The following FBXO16 variants were observed in gnomAD, a reference collection of about 807,000 sequenced individuals.
FBXO16 encodes the protein F-box only protein 16.
Under a neutral mutation model 41.0 loss-of-function variants are expected in FBXO16, and 31 were observed. The ratio of observed to expected loss-of-function variants is 0.76; its 90% CI spans 0.57 to 1.02. The LOEUF (loss-of-function observed/expected upper bound fraction) is 1.02. FBXO16 is among the 50% of genes least tolerant of loss of function. The pLI is 0.00. For synonymous variants in FBXO16, 133 were observed against 117.8 expected (o/e 1.13, Z -0.84); for missense variants, 361 against 346.2 (o/e 1.04, Z -0.34).
At chr8:28,481,276 A>G (rs1803507854) in intron 2 of FBXO16, among the ~76,000 whole-genome samples, 1 of 152,198 alleles carries the variant, frequency 6.6e-6, no homozygotes, top group Non-Finnish European at 1.5e-5. Context: ...GCAGGGACAG[A>G]GCCAGTGAAA....
intron 7 of FBXO16, among the ~76,000 whole-genome samples, chr8:28,431,027 G>A (rs1802597862): frequency 1.3e-5 from 2 of 152,152 alleles, no homozygotes; most frequent in African/African-American, 4.8e-5. Flanking sequence ...AAAAGGCCTA[G>A]CTCTCTATGA....
At chr8:28,485,330 G>A (rs985665673) in intron 1 of FBXO16, among the ~76,000 whole-genome samples, 1 of 151,992 alleles carries the variant, frequency 6.6e-6, no homozygotes, top group African/African-American at 2.4e-5. Flanking sequence ...CTGCCACCAC[G>A]ACTGGCTAAT....
chr8:28,434,806 T>A (rs1185407776), intron 7 of FBXO16, among the ~76,000 whole-genome samples: 1 of 152,204 alleles, frequency 6.6e-6, no homozygotes, highest in Non-Finnish European at 1.5e-5. Context: ...CGGGACCCAG[T>A]CGGCCGCTCT....
intron 7 of FBXO16, among the ~76,000 whole-genome samples, chr8:28,435,273 T>G (rs1585889815): frequency 6.6e-6 from 1 of 151,214 alleles, no homozygotes; most frequent in Admixed American, 6.6e-5. Context: ...CAAGTTCAAG[T>G]GATTCTCCTG....
intron 4 of FBXO16, 59 bp from the exon 5 acceptor site, chr8:28,456,989 C>A: frequency 1.9e-6 from 3 of 1,544,084 alleles, no homozygotes; most frequent in Non-Finnish European, 2.6e-6. Flanking sequence ...AGTTTACATG[C>A]CCACTTTCTC....
intron 2 of FBXO16, among the ~76,000 whole-genome samples, chr8:28,479,988 A>C (rs1421350789): frequency 6.6e-6 from 1 of 150,582 alleles, no homozygotes; most frequent in Non-Finnish European, 1.5e-5. Flanking sequence ...CACCGGCCTC[A>C]CCCTCCCAAA....
intron 1 of FBXO16, among the ~76,000 whole-genome samples, 189 bp downstream of exon 1, chr8:28,489,997 A>G (rs1803665236): frequency 6.6e-6 from 1 of 152,216 alleles, no homozygotes; most frequent in South Asian, 2.1e-4. Flanking sequence ...CAAAAAGCTA[A>G]TGCTTGGTAG....
chr8:28,456,055 A>G (rs1803033090), intron 5 of FBXO16, among the ~76,000 whole-genome samples: 1 of 152,196 alleles, frequency 6.6e-6, no homozygotes, highest in African/African-American at 2.4e-5. Flanking sequence ...GAACTCATCT[A>G]TTGTATGAAA....
chr8:28,434,225 T>C (rs987946374), intron 7 of FBXO16, among the ~76,000 whole-genome samples: 1 of 152,196 alleles, frequency 6.6e-6, no homozygotes, highest in African/African-American at 2.4e-5. Context: ...CCTCCCAAAG[T>C]GCTGGGATTA....
At chr8:28,444,611 T>G (rs1416355028) in intron 7 of FBXO16, among the ~76,000 whole-genome samples, 1 of 150,076 alleles carries the variant, frequency 6.7e-6, no homozygotes, top group African/African-American at 2.4e-5. Flanking sequence ...CCGAGTAGCT[T>G]GGACTACAAG....
intron 5 of FBXO16, among the ~76,000 whole-genome samples, chr8:28,452,910 A>G (rs562105030): frequency 7.5e-6 from 1 of 132,954 alleles, no homozygotes; most frequent in African/African-American, 2.8e-5. Flanking sequence ...AAGGATAAAA[A>G]AATAAAAAAA....
intron 6 of FBXO16, among the ~76,000 whole-genome samples, chr8:28,449,312 CTTCTT>C (rs775592791): frequency 3.6e-5 from 5 of 138,966 alleles, no homozygotes; most frequent in African/African-American, 5.5e-5. Context: ...AATATGTAGA[CTTCTT>C]TTTTTTTTTT....
At chr8:28,439,378 T>G (rs554141744) in intron 7 of FBXO16, among the ~76,000 whole-genome samples, 2 of 152,290 alleles carry the variant, frequency 1.3e-5, no homozygotes, top group South Asian at 4.1e-4. Flanking sequence ...TTGAATTAAA[T>G]AGTTAAAAAC....
intron 4 of FBXO16, among the ~76,000 whole-genome samples, chr8:28,461,784 C>T (rs1803138557): frequency 6.6e-6 from 1 of 152,114 alleles, no homozygotes; most frequent in Non-Finnish European, 1.5e-5. Context: ...TGCATATTTT[C>T]TTTTAAGACT....
Position 28,457,621 on chromosome 8 carries a change from T to C in FBXO16, c.343-691A>G, listed in dbSNP as rs150471810. Among the ~76,000 whole-genome samples the C allele has an allele frequency of 5.0e-3, 756 of 152,274 alleles. 3 individuals carry two copies. Among genetic ancestry groups the C allele is most frequent in the African/African-American group, 0.017 (715 of 41,570 alleles). On this transcript the variant is annotated intron_variant, in intron 4 of 8. Transcript: ENST00000380254. ...GAATGACTCACTACCATGAGAACAGTATGGGGGAAACCACCCCCATGGTTC... is the reference window on the plus strand; with the variant it reads ...GAATGACTCACTACCATGAGAACAGCATGGGGGAAACCACCCCCATGGTTC...
intron 3 of FBXO16, among the ~76,000 whole-genome samples, chr8:28,468,263 T>A (rs1335621658): frequency 2.6e-5 from 4 of 152,194 alleles, no homozygotes; most frequent in Non-Finnish European, 4.4e-5. Context: ...ATGCCTTTTT[T>A]AAGGCTTTCT....
At chr8:28,444,797 T>G (rs1802837240) in intron 7 of FBXO16, among the ~76,000 whole-genome samples, 2 of 135,906 alleles carry the variant, frequency 1.5e-5, no homozygotes, top group African/African-American at 5.6e-5. Flanking sequence ...TTTTTTTTTT[T>G]TTTTTTTGTA....
chr8:28,439,574 CA>C (rs1206020633), intron 7 of FBXO16, among the ~76,000 whole-genome samples: 1 of 151,890 alleles, frequency 6.6e-6, no homozygotes, highest in African/African-American at 2.4e-5. Context: ...CCTGTCTCTA[CA>C]AAAAATACCC....
At chr8:28,459,984 C>T (rs956681831) in intron 4 of FBXO16, among the ~76,000 whole-genome samples, 4 of 151,736 alleles carry the variant, frequency 2.6e-5, no homozygotes, top group African/African-American at 9.7e-5. Flanking sequence ...CGAGATTGTG[C>T]CACTGCACTC....
Sources: gnomAD v4.1 joint callset for allele counts (sites outside exome capture counted in the v4.1 genomes callset) on GRCh38, gnomAD v4.1.1 for gene constraint, MANE v1.5 for transcripts, NCBI Gene and HGNC (gene_info 2026-07-23, HGNC 2026-07-21) for gene names.